Variants in PRMT8 observed in about 807,000 individuals in gnomAD.
The protein encoded by PRMT8 is protein arginine N-methyltransferase 8.
A neutral mutation model predicts 47.1 loss-of-function variants in PRMT8; 7 were observed. The ratio of observed to expected loss-of-function variants is 0.15; its 90% confidence interval spans 0.08 to 0.28. PRMT8 has a LOEUF of 0.28. Among genes scored for constraint, PRMT8 ranks in the 10% least tolerant of loss-of-function variants. The pLI, the probability that PRMT8 is intolerant of heterozygous loss-of-function variation, is 1.00. For missense variants in PRMT8, 237 were observed against 505.4 expected (o/e 0.47, Z 5.09); for synonymous variants, 188 against 186.5 (o/e 1.01, Z -0.07).
rs1866172236 is a variant in PRMT8 at position 3,538,979 on chromosome 12, C to T, written c.76-1627C>T. Among the ~76,000 whole-genome samples the T allele has an allele frequency of 6.6e-6, 1 of 152,214 alleles. No individual in the cohort carries two copies. The highest frequency in any genetic ancestry group is 6.5e-5 in the Admixed American group (1 of 15,286). On this transcript the variant is annotated intron_variant, in intron 1 of 9. Coordinates refer to ENST00000382622, the MANE Select transcript of PRMT8 (RefSeq NM_019854.5). This position sits in a 1 kb window ranked among gnomAD's most constrained non-coding sequence, Gnocchi z 4.6. ...TGCCCCCAGCTCACTCCCCTGCAGC[C>T]CTGGACACAGAACAGTCTTGGGACT...
intron 2 of PRMT8, among the ~76,000 whole-genome samples, chr12:3,547,079 T>C (rs1462456356): frequency 6.6e-6 from 1 of 152,182 alleles, no homozygotes; most frequent in Non-Finnish European, 1.5e-5. Flanking sequence ...CAATTCATGA[T>C]AAAATCTCTC....
chr12:3,520,671 A>G (rs1196812154), intron 1 of PRMT8, among the ~76,000 whole-genome samples: 2 of 152,266 alleles, frequency 1.3e-5, no homozygotes, highest in African/African-American at 4.8e-5. Flanking sequence ...GCTGTCATCA[A>G]TGAAAACAAA....
intron 1 of PRMT8, among the ~76,000 whole-genome samples, chr12:3,455,521 A>G (rs895940018): frequency 6.6e-6 from 1 of 152,094 alleles, no homozygotes; most frequent in African/African-American, 2.4e-5. Flanking sequence ...CACCCTGAAC[A>G]AAGAAATGCC....
At chr12:3,477,235 G>C (rs1865222929) in intron 1 of PRMT8, among the ~76,000 whole-genome samples, 1 of 152,218 alleles carries the variant, frequency 6.6e-6, no homozygotes, top group African/African-American at 2.4e-5. Flanking sequence ...AATATTAGAG[G>C]AAGGAATCAG....
rs540370358 is a variant in PRMT8, at chr12:3,569,982, T to A, written c.712+418T>A. On this transcript the variant is annotated intron_variant, in intron 6 of 9. Coordinates refer to ENST00000382622, the MANE Select transcript of PRMT8 (RefSeq NM_019854.5). The surrounding 1 kb of genome is among the most constrained non-coding windows in gnomAD (Gnocchi z 8.2). ...CCAATTGTTTTGAATCCTGCCTCCA[T>A]TCCATTCAAACTTATCAAAATAATA... 5.3e-5 allele frequency among the ~76,000 whole-genome samples: 8 copies of A among 152,192 alleles called. No individual in the cohort carries two copies. Among genetic ancestry groups the A allele is most frequent in the Non-Finnish European group, 1.2e-4 (8 of 68,046 alleles).
intron 1 of PRMT8, among the ~76,000 whole-genome samples, chr12:3,408,061 A>G (rs968168404): frequency 2.6e-5 from 4 of 151,786 alleles, no homozygotes; most frequent in African/African-American, 7.3e-5. Flanking sequence ...TGAATTACCT[A>G]TCTGTAGCTT....
At chr12:3,416,733 A>T (rs891831618) in intron 1 of PRMT8, among the ~76,000 whole-genome samples, 2 of 152,184 alleles carry the variant, frequency 1.3e-5, no homozygotes, top group African/African-American at 4.8e-5. Flanking sequence ...GAGAGAGCAG[A>T]TATTAGAAGG....
intron 1 of PRMT8, among the ~76,000 whole-genome samples, chr12:3,484,804 T>G (rs1865306743): frequency 1.3e-5 from 2 of 152,220 alleles, no homozygotes; most frequent in Admixed American, 1.3e-4. Context: ...TGGCAAGGCT[T>G]CCTTAGGTTG....
At chr12:3,442,197 C>T (rs566074231) in intron 1 of PRMT8, among the ~76,000 whole-genome samples, 25 of 152,230 alleles carry the variant, frequency 1.6e-4, no homozygotes, top group Non-Finnish European at 2.5e-4. Flanking sequence ...AGCAGAACAA[C>T]GGAAGTAATA....
At chr12:3,475,206 C>T (rs1865199307) in intron 1 of PRMT8, among the ~76,000 whole-genome samples, 1 of 152,096 alleles carries the variant, frequency 6.6e-6, no homozygotes, top group Non-Finnish European at 1.5e-5. Flanking sequence ...CTTGGGTTGG[C>T]TTGGAGGTCC....
chr12:3,538,916 G>A lies in PRMT8; in HGVS notation c.76-1690G>A, dbSNP rs956925580. ...GGAAGTCTGCTTATTTCCCAAGGGC[G>A]GTAGCCTAGGTACACTGGGAAGATG... On this transcript the variant is annotated intron_variant, in intron 1 of 9. Coordinates refer to ENST00000382622, the MANE Select transcript of PRMT8 (RefSeq NM_019854.5). This position sits in a 1 kb window ranked among gnomAD's most constrained non-coding sequence, Gnocchi z 4.6. Among the ~76,000 whole-genome samples, 1 of 152,170 alleles carries A rather than the reference G, an allele frequency of 6.6e-6. No homozygotes were observed. The highest frequency in any genetic ancestry group is 2.4e-5 in the African/African-American group (1 of 41,426).
rs1483782769 is a variant in PRMT8 at position 3,544,084 on chromosome 12, CCAA to C, written c.261+3297_261+3299del. Among the ~76,000 whole-genome samples the C allele has an allele frequency of 3.3e-5, 5 of 152,302 alleles. No homozygotes were observed. In the East Asian group the frequency reaches 7.7e-4, roughly 24 times the overall value. On this transcript the variant is annotated intron_variant, in intron 2 of 9. Coordinates refer to ENST00000382622, the MANE Select transcript of PRMT8 (RefSeq NM_019854.5). ...AACAGACTCTTTGGGGCCTTATAGT[CCAA>C]CAATTTGTCAATGGGCAGTCATATA... is the stretch of plus-strand genomic sequence containing the variant.
intron 1 of PRMT8, among the ~76,000 whole-genome samples, chr12:3,536,659 G>A (rs1029998866): frequency 2.0e-5 from 3 of 152,162 alleles, no homozygotes; most frequent in Admixed American, 1.3e-4. Context: ...TCCTGAGCAG[G>A]GTCCTCCCTG....
intron 1 of PRMT8, among the ~76,000 whole-genome samples, chr12:3,517,222 A>G (rs377035087): frequency 6.9e-4 from 105 of 152,288 alleles, no homozygotes; most frequent in African/African-American, 1.9e-3. Flanking sequence ...AATCGTCATT[A>G]AAAGTCTCAC....
At chr12:3,398,212 C>T (rs1302358922) in intron 1 of PRMT8, among the ~76,000 whole-genome samples, 2 of 152,166 alleles carry the variant, frequency 1.3e-5, no homozygotes, top group East Asian at 1.9e-4. Context: ...TGTTCCTATT[C>T]GGCCATCTTG....
Position 3,492,161 on chromosome 12 carries a change from C to A in PRMT8, c.75+461C>A, listed in dbSNP as rs1452582368. On this transcript the variant is annotated intron_variant, in intron 1 of 9. Coordinates refer to ENST00000382622, the MANE Select transcript of PRMT8 (RefSeq NM_019854.5). This position sits in a 1 kb window ranked among gnomAD's most constrained non-coding sequence, Gnocchi z 7.5. ...TGACCGTCTCCTGCCGCTGCCTCAG[C>A]TTTACCCTTCAAGCTCGAGTCGGTT... 6.6e-6 allele frequency among the ~76,000 whole-genome samples: 1 copy of A among 152,004 alleles called. No homozygotes were observed. Among genetic ancestry groups the A allele is most frequent in the Non-Finnish European group, 1.5e-5 (1 of 67,990 alleles).
Position 3,593,216 on chromosome 12 carries a change from A to C in PRMT8, c.*34A>C. On this transcript the variant is annotated 3_prime_UTR_variant, in exon 10 of 10. Transcript: ENST00000382622. The surrounding 1 kb of genome is among the most constrained non-coding windows in gnomAD (Gnocchi z 4.8). The stretch of plus-strand genomic sequence containing the variant: ...GGAAGCTGCAGAGAGCAACGAGAAA[A>C]GGAACTCTCACCTCGATCTGCCGTG... 7 of 1,556,416 alleles carry C rather than the reference A, an allele frequency of 4.5e-6. No individual in the cohort carries two copies. Among genetic ancestry groups the C allele is most frequent in the Non-Finnish European group, 6.2e-6 (7 of 1,130,074 alleles).
rs112858247 is a variant in PRMT8 at position 3,550,496 on chromosome 12, C to T, written c.417+405C>T. 2,570 of 190,846 alleles carry T rather than the reference C, an allele frequency of 0.013. 25 individuals are homozygous for T. The highest frequency in any genetic ancestry group is 0.021 in the Non-Finnish European group (1,918 of 89,446). The allele number at this position is 190,846 out of a possible 1,614,324, so 11.8% of individuals were successfully genotyped here. On this transcript the variant is annotated intron_variant, in intron 3 of 9. Transcript: ENST00000382622. This position sits in a 1 kb window ranked among gnomAD's most constrained non-coding sequence, Gnocchi z 5.1. Reference sequence around the variant, plus strand: ...ACTTCCCTGCACCTCACTTTTTCTCCATCTATAAAATGAGCTTAATAGCAG... The same window carrying T: ...ACTTCCCTGCACCTCACTTTTTCTCTATCTATAAAATGAGCTTAATAGCAG...
At chr12:3,506,632 T>C (rs940693471) in intron 1 of PRMT8, among the ~76,000 whole-genome samples, 2 of 152,140 alleles carry the variant, frequency 1.3e-5, no homozygotes, top group Non-Finnish European at 2.9e-5. Flanking sequence ...CAGGTGTTTG[T>C]CCACATCTAT....
Sources: gnomAD v4.1 joint callset for allele counts (sites outside exome capture counted in the v4.1 genomes callset) on GRCh38, gnomAD v4.1.1 for gene constraint, Gnocchi (gnomAD v3.1) non-coding constraint, MANE v1.5 for transcripts, NCBI Gene and HGNC (gene_info 2026-07-23, HGNC 2026-07-21) for gene names.